The following ELMO1 variants were observed in gnomAD, a reference collection of about 807,000 sequenced individuals.
ELMO1 encodes the protein engulfment and cell motility 1.
Under a neutral mutation model 98.9 loss-of-function variants are expected in ELMO1, and 26 were observed. That is an observed-to-expected ratio of 0.26 (90% CI 0.19 to 0.36). The LOEUF is 0.36. Ranked by LOEUF, ELMO1 falls within the 10% of genes least tolerant of loss-of-function variation. ELMO1 has a pLI of 1.00. For missense variants in ELMO1, 627 were observed against 935.2 expected (o/e 0.67, Z 4.30); for synonymous variants, 346 against 346.0 (o/e 1.00, Z 0.00).
intron 13 of ELMO1, among the ~76,000 whole-genome samples, chr7:37,156,220 C>G (rs1348211560): frequency 2.0e-5 from 3 of 152,118 alleles, no homozygotes; most frequent in Non-Finnish European, 4.4e-5. Context: ...CAAGAGAAAG[C>G]AGGAAAGATC....
At chr7:37,357,594 T>G (rs888041446) in intron 1 of ELMO1, among the ~76,000 whole-genome samples, 1 of 152,224 alleles carries the variant, frequency 6.6e-6, no homozygotes, top group African/African-American at 2.4e-5. Context: ...ATTTTATCTC[T>G]CTAGTTATTA....
chr7:36,873,173 C>T (rs772807102), intron 19 of ELMO1, among the ~76,000 whole-genome samples: 1 of 152,152 alleles, frequency 6.6e-6, no homozygotes, highest in African/African-American at 2.4e-5. Context: ...TACAGTGTAG[C>T]TTTTAAAGGT....
In ELMO1 at chr7:37,244,252, AATACTAGATGCATAGTT is replaced by A. The variant is rs1794890290; in HGVS notation, c.449+87_449+103del. The A allele has an allele frequency of 4.3e-6, 5 of 1,154,788 alleles. No homozygotes were observed. In the East Asian group the frequency reaches 1.3e-4, roughly 30 times the overall value. 71.5% of individuals were successfully genotyped at this position (1,154,788 alleles called of 1,614,324 possible). On this transcript the variant is annotated intron_variant, in intron 7 of 21. Transcript: ENST00000310758. Reference sequence around the variant, plus strand: ...AAATAACAAAAAATCACTTATTCAAAATACTAGATGCATAGTTATACAATCAGTCAGATGACAGGGCT... The same window carrying A: ...AAATAACAAAAAATCACTTATTCAAAATACAATCAGTCAGATGACAGGGCT...
intron 13 of ELMO1, among the ~76,000 whole-genome samples, chr7:37,160,390 C>G (rs1789119971): frequency 6.6e-6 from 1 of 152,114 alleles, no homozygotes; most frequent in Non-Finnish European, 1.5e-5. Flanking sequence ...CATATATGCA[C>G]AGTCTTTGTA....
At chr7:37,130,731 G>T (rs963535363) in intron 14 of ELMO1, among the ~76,000 whole-genome samples, 1 of 149,968 alleles carries the variant, frequency 6.7e-6, no homozygotes, top group Non-Finnish European at 1.5e-5. Flanking sequence ...GGCAACGAGG[G>T]AATATTTGTG....
At chr7:37,222,081 A>G (rs1793628104) in intron 10 of ELMO1, among the ~76,000 whole-genome samples, 1 of 152,168 alleles carries the variant, frequency 6.6e-6, no homozygotes, top group Admixed American at 6.6e-5. Flanking sequence ...CCAAGCAAGG[A>G]GCCCCTCTGA....
intron 4 of ELMO1, among the ~76,000 whole-genome samples, chr7:37,277,583 T>C (rs184762824): frequency 2.0e-5 from 3 of 152,324 alleles, no homozygotes; most frequent in Admixed American, 2.0e-4. Flanking sequence ...TCTGATTTGC[T>C]GTTAGCAAAC....
chr7:37,249,779 A>G (rs188366001), intron 6 of ELMO1, among the ~76,000 whole-genome samples: 154 of 152,370 alleles, frequency 1.0e-3, no homozygotes, highest in Non-Finnish European at 1.4e-3. Flanking sequence ...AGAAAAGCTG[A>G]TTTAAAAATA....
At chr7:37,274,121 A>G (rs73110835) in intron 4 of ELMO1, among the ~76,000 whole-genome samples, 186 of 152,256 alleles carry the variant, frequency 1.2e-3, no homozygotes, top group Non-Finnish European at 1.9e-3. Flanking sequence ...GCATGCAAAC[A>G]TGGTACTGAA....
intron 21 of ELMO1, among the ~76,000 whole-genome samples, chr7:36,859,663 G>C (rs1395356402): frequency 1.3e-5 from 2 of 152,154 alleles, no homozygotes; most frequent in African/African-American, 4.8e-5. Flanking sequence ...AAGCTCTCTT[G>C]CCTCATTTCC....
At chr7:37,209,860 T>A (rs1415129115) in intron 13 of ELMO1, among the ~76,000 whole-genome samples, 1 of 152,184 alleles carries the variant, frequency 6.6e-6, no homozygotes, top group Non-Finnish European at 1.5e-5. Flanking sequence ...TTTAAAAAAT[T>A]GATTCAACTA....
intron 2 of ELMO1, among the ~76,000 whole-genome samples, chr7:37,332,406 G>A (rs1800180240): frequency 1.3e-5 from 2 of 152,222 alleles, no homozygotes; most frequent in Admixed American, 6.5e-5. Flanking sequence ...GACATACTTG[G>A]CCCATGCAGA....
At chr7:37,201,973 C>T (rs1362995153) in intron 13 of ELMO1, among the ~76,000 whole-genome samples, 1 of 152,204 alleles carries the variant, frequency 6.6e-6, no homozygotes, top group Non-Finnish European at 1.5e-5. Context: ...GCAGCCTGAA[C>T]CATCCCAGGT....
At chr7:36,935,407 T>TAA (rs199615220) in intron 16 of ELMO1, among the ~76,000 whole-genome samples, 1 of 151,468 alleles carries the variant, frequency 6.6e-6, no homozygotes, top group Non-Finnish European at 1.5e-5. Context: ...TTGTCCCTTC[T>TAA]AAAAAAAAAT....
chr7:37,055,611 A>G (rs1229719330), intron 15 of ELMO1, among the ~76,000 whole-genome samples: 1 of 152,182 alleles, frequency 6.6e-6, no homozygotes, highest in Admixed American at 6.5e-5. Context: ...TGTTAGCTCC[A>G]GCCCTCCTGC....
intron 16 of ELMO1, among the ~76,000 whole-genome samples, chr7:37,004,832 C>T (rs528027501): frequency 5.3e-5 from 8 of 152,046 alleles, no homozygotes; most frequent in African/African-American, 1.7e-4. Context: ...TTACATGGGC[C>T]GGGCGCGGTG....
intron 15 of ELMO1, among the ~76,000 whole-genome samples, chr7:37,036,533 T>C (rs895485925): frequency 1.3e-5 from 2 of 152,074 alleles, no homozygotes; most frequent in African/African-American, 4.8e-5. Context: ...CCACATCATC[T>C]AGTCAATTTT....
chr7:36,870,204 T>C lies in ELMO1; in HGVS notation c.1905+189A>G, dbSNP rs1803391218. On this transcript the variant is annotated intron_variant, in intron 20 of 21. Transcript: ENST00000310758. The surrounding 1 kb of genome is among the most constrained non-coding windows in gnomAD (Gnocchi z 4.4). ...AAGATGGTGAGCATCAGAAAAGGGG[T>C]CAGAAAGAGAAAGAATAAGGGTAAG... 6.6e-6 allele frequency among the ~76,000 whole-genome samples: 1 copy of C among 151,080 alleles called. No homozygotes were observed. Among genetic ancestry groups the C allele is most frequent in the Non-Finnish European group, 1.5e-5 (1 of 67,882 alleles).
chr7:37,118,537 A>G (rs1308864415), intron 14 of ELMO1, among the ~76,000 whole-genome samples: 1 of 152,248 alleles, frequency 6.6e-6, no homozygotes, highest in East Asian at 1.9e-4. Context: ...AAAGATAAAC[A>G]CCGAGCAAAT....
Sources: gnomAD v4.1 joint callset for allele counts (sites outside exome capture counted in the v4.1 genomes callset) on GRCh38, gnomAD v4.1.1 for gene constraint, Gnocchi (gnomAD v3.1) non-coding constraint, MANE v1.5 for transcripts, NCBI Gene and HGNC (gene_info 2026-07-23, HGNC 2026-07-21) for gene names.